Variants in LRP1B observed in about 807,000 individuals in gnomAD.
The protein encoded by LRP1B is LDL receptor related protein 1B.
In LRP1B, 217 loss-of-function variants were observed where a neutral mutation model predicts 556.6. That is an observed-to-expected ratio of 0.39 (90% CI 0.35 to 0.44). The LOEUF (loss-of-function observed/expected upper bound fraction) is 0.44. Among genes scored for constraint, LRP1B ranks in the 20% least tolerant of loss-of-function variants. LRP1B has a pLI of 1.00. For synonymous variants in LRP1B, 2,047 were observed against 1,865.8 expected, an observed-to-expected ratio of 1.10 and a Z score of -2.50; for missense variants, 5,053 against 5,620.8, an observed-to-expected ratio of 0.90 and a Z score of 3.23.
At chr2:140,796,679 G>C (rs1169003112) in intron 32 of LRP1B, among the ~76,000 whole-genome samples, 1 of 152,094 alleles carries the variant, frequency 6.6e-6, no homozygotes, top group Non-Finnish European at 1.5e-5. Flanking sequence ...CTTGAACTAA[G>C]TGACATTGCT....
At chr2:141,793,219 A>G (rs937807837) in intron 2 of LRP1B, among the ~76,000 whole-genome samples, 5 of 151,940 alleles carry the variant, frequency 3.3e-5, no homozygotes, top group African/African-American at 9.7e-5. Flanking sequence ...TTAAATCACA[A>G]TTTTGCTTTT....
In LRP1B at chr2:141,969,391, T is replaced by G. The variant is rs532880486; in HGVS notation, c.83-158990A>C. On this transcript the variant is annotated intron_variant, in intron 1 of 90. Transcript: ENST00000389484. Reference sequence around the variant, plus strand: ...GAGGCTTTGTAAGTTTTGAGCAGCATCATCTTTCCATTTCTTTCACCTGAC... The same window carrying G: ...GAGGCTTTGTAAGTTTTGAGCAGCAGCATCTTTCCATTTCTTTCACCTGAC... Among the ~76,000 whole-genome samples the G allele has an allele frequency of 5.9e-5, 9 of 151,594 alleles. No individual in the cohort carries two copies. The South Asian group carries it at 1.2e-3, about 21-fold the overall frequency.
At chr2:141,721,925 C>T (rs1692829808) in intron 2 of LRP1B, among the ~76,000 whole-genome samples, 1 of 152,144 alleles carries the variant, frequency 6.6e-6, no homozygotes, top group African/African-American at 2.4e-5. Flanking sequence ...CAGAAACAGA[C>T]CCTAGTAGGT....
chr2:141,700,542 G>C (rs1401750591), intron 2 of LRP1B, among the ~76,000 whole-genome samples: 1 of 151,372 alleles, frequency 6.6e-6, no homozygotes, highest in Non-Finnish European at 1.5e-5. Flanking sequence ...CACACCTCTG[G>C]GCCTCAGAAA....
rs1365423296 is a variant in LRP1B at position 140,231,499 on chromosome 2, A to T, written c.*1687T>A. 1 of 151,860 alleles carries T rather than the reference A, an allele frequency of 6.6e-6. No homozygotes were observed. 9.4% of individuals were successfully genotyped at this position (151,860 alleles called of 1,614,324 possible). A position where few individuals can be genotyped will look rare whatever the true frequency, so the allele number is the denominator to read the frequency against. On this transcript the variant is annotated 3_prime_UTR_variant, in exon 91 of 91. Coordinates refer to ENST00000389484, the MANE Select transcript of LRP1B (RefSeq NM_018557.3). ...GTATTTAACACTTCATTGTAGAAAC[A>T]TAGGCAAAATGACTATATTATAACC... is the stretch of plus-strand genomic sequence containing the variant.
At chr2:141,474,747 C>T (rs1278690500) in intron 3 of LRP1B, among the ~76,000 whole-genome samples, 2 of 151,948 alleles carry the variant, frequency 1.3e-5, no homozygotes, top group Non-Finnish European at 2.9e-5. Flanking sequence ...AATAATCATA[C>T]AGGAAAATGT....
intron 43 of LRP1B, among the ~76,000 whole-genome samples, chr2:140,543,730 A>G (rs985886549): frequency 2.0e-5 from 3 of 152,006 alleles, no homozygotes; most frequent in African/African-American, 7.2e-5. Flanking sequence ...AGAGAAGTCA[A>G]ACTGTATTTA....
intron 35 of LRP1B, among the ~76,000 whole-genome samples, chr2:140,739,035 A>C (rs1160665708): frequency 6.6e-6 from 1 of 152,178 alleles, no homozygotes. Flanking sequence ...GAGCATGTGC[A>C]GCATGGTCTG....
chr2:140,383,298 G>A (rs1033575271), intron 67 of LRP1B, among the ~76,000 whole-genome samples: 9 of 128,260 alleles, frequency 7.0e-5, no homozygotes, highest in African/African-American at 2.2e-4. Flanking sequence ...ATGTGCGTGT[G>A]TGTGTGTGTG....
At chr2:140,239,344 C>A in intron 88 of LRP1B, 98 bp downstream of exon 88, 2 of 699,504 alleles carry the variant, frequency 2.9e-6, no homozygotes, top group Non-Finnish European at 2.4e-6. Flanking sequence ...GTTGGCATAA[C>A]TAAATCATGT....
intron 1 of LRP1B, among the ~76,000 whole-genome samples, chr2:141,901,632 CTTCAAGATTTTTGCCAT>C (rs1329014600): frequency 2.6e-5 from 4 of 151,774 alleles, no homozygotes; most frequent in Non-Finnish European, 5.9e-5. Flanking sequence ...AGTCTCAACA[CTTCAAGATTTTTGCCAT>C]TTTAATAAAA....
chr2:140,762,012 CCTAA>C lies in LRP1B; in HGVS notation c.5758+7197_5758+7200del, dbSNP rs1309118948. Among the ~76,000 whole-genome samples, 4 of 151,208 alleles carry C rather than the reference CCTAA, an allele frequency of 2.6e-5. No homozygotes were observed. The East Asian group carries it at 7.8e-4, about 29-fold the overall frequency. On this transcript the variant is annotated intron_variant, in intron 35 of 90. Transcript: ENST00000389484. Reference sequence around the variant, plus strand: ...TGATGATGATGATGATGATGCCTTCCCTAACTATCTGAGTCTCAGATGAAGCTGT... The same window carrying C: ...TGATGATGATGATGATGATGCCTTCCCTATCTGAGTCTCAGATGAAGCTGT...
intron 21 of LRP1B, among the ~76,000 whole-genome samples, chr2:140,920,868 A>C (rs2105254448): frequency 6.6e-6 from 1 of 152,124 alleles, no homozygotes; most frequent in African/African-American, 2.4e-5. Flanking sequence ...TAAAAGCATT[A>C]TTAAATCGAT....
intron 7 of LRP1B, among the ~76,000 whole-genome samples, chr2:141,112,799 C>G (rs2104971585): frequency 6.6e-6 from 1 of 152,204 alleles, no homozygotes; most frequent in East Asian, 1.9e-4. Context: ...TAATGAAAAT[C>G]AACTGTATTT....
At chr2:141,103,701 G>A (rs1186228187) in intron 7 of LRP1B, among the ~76,000 whole-genome samples, 1 of 115,300 alleles carries the variant, frequency 8.7e-6, no homozygotes, top group Admixed American at 9.2e-5. Context: ...AGAAAATTAA[G>A]GCTGAAGTTT....
At chr2:140,588,272 A>G (rs1407447672) in intron 43 of LRP1B, among the ~76,000 whole-genome samples, 2 of 152,196 alleles carry the variant, frequency 1.3e-5, no homozygotes, top group East Asian at 3.9e-4. Context: ...AATCTTGAAG[A>G]TAATTATATT....
intron 32 of LRP1B, among the ~76,000 whole-genome samples, chr2:140,783,091 T>A: frequency 6.6e-6 from 1 of 152,304 alleles, no homozygotes; most frequent in South Asian, 2.1e-4. Context: ...AAAGTTTCAA[T>A]CCAAATTAAA....
At chr2:141,608,112 T>A (rs1687981252) in intron 2 of LRP1B, among the ~76,000 whole-genome samples, 1 of 151,962 alleles carries the variant, frequency 6.6e-6, no homozygotes, top group African/African-American at 2.4e-5. Context: ...TAATCCCAGC[T>A]GCTTGTGAGG....
Position 140,595,087 on chromosome 2 carries a change from AATATATATATATATATATAT to A in LRP1B, c.7194+3524_7194+3543del, listed in dbSNP as rs60138085. Among the ~76,000 whole-genome samples the A allele has an allele frequency of 9.5e-3, 951 of 99,650 alleles. 15 individuals are homozygous for A. Among genetic ancestry groups the A allele is most frequent in the Middle Eastern group, 0.038 (7 of 182 alleles). 65.4% of individuals were successfully genotyped at this position (99,650 alleles called of 152,430 possible). A position where few individuals can be genotyped will look rare whatever the true frequency, so the allele number is the denominator to read the frequency against. ...CTACTTAAAAATAAAATATAAATTGAATATATATATATATATATATATATATATATATATATATATATATA... is the reference window on the plus strand; with the variant it reads ...CTACTTAAAAATAAAATATAAATTGAATATATATATATATATATATATATA... On this transcript the variant is annotated intron_variant, in intron 43 of 90. Transcript: ENST00000389484.
Sources: gnomAD v4.1 joint callset for allele counts (sites outside exome capture counted in the v4.1 genomes callset) on GRCh38, gnomAD v4.1.1 for gene constraint, MANE v1.5 for transcripts, NCBI Gene and HGNC (gene_info 2026-07-23, HGNC 2026-07-21) for gene names.